Variants in PDE4B observed in about 807,000 individuals in gnomAD.
The protein encoded by PDE4B is phosphodiesterase 4B, also known as 3',5'-cyclic-AMP phosphodiesterase 4B.
PDE4B carries 20 observed loss-of-function variants against 82.2 expected under a neutral mutation model. That is an observed-to-expected ratio of 0.24 (90% CI 0.17 to 0.35). PDE4B has a LOEUF of 0.35. Ranked by LOEUF, PDE4B falls within the 10% of genes least tolerant of loss-of-function variation. The pLI is 1.00. For synonymous variants in PDE4B, 320 were observed against 318.9 expected (o/e 1.00, Z -0.04); for missense variants, 655 against 907.2 (o/e 0.72, Z 3.57).
At chr1:65,929,907 C>G (rs1462584717) in intron 3 of PDE4B, among the ~76,000 whole-genome samples, 1 of 152,134 alleles carries the variant, frequency 6.6e-6, no homozygotes, top group African/African-American at 2.4e-5. Flanking sequence ...GCAGCCAACT[C>G]CAGAAACTCC....
At chr1:66,330,833 A>G (rs1660050232) in intron 7 of PDE4B, 1 of 974,594 alleles carries the variant, frequency 1.0e-6, no homozygotes, top group Admixed American at 6.1e-5. Context: ...TGAAGAAAGG[A>G]AGGAAGGTAT....
At position 66,356,330 on chromosome 1, in the gene PDE4B, G is replaced by A. The variant is rs188316262; in HGVS notation, c.841+710G>A. Among the ~76,000 whole-genome samples, 17 of 152,292 alleles carry A rather than the reference G, an allele frequency of 1.1e-4. No homozygotes were observed. In the East Asian group the frequency reaches 1.7e-3, roughly 16 times the overall value. ...GAATGGTCCTCAACTATTGTCATGC[G>A]TGTTATTTGATTATTTGGGATTTTT... On this transcript the variant is annotated intron_variant, in intron 9 of 16. Coordinates refer to ENST00000341517, the MANE Select transcript of PDE4B (RefSeq NM_002600.4).
At chr1:65,933,754 G>A (rs1647970613) in intron 3 of PDE4B, among the ~76,000 whole-genome samples, 1 of 151,996 alleles carries the variant, frequency 6.6e-6, no homozygotes. Flanking sequence ...TGCAACAAAT[G>A]ACACAAACGG....
chr1:65,947,101 A>C (rs1648753030), intron 3 of PDE4B, among the ~76,000 whole-genome samples: 1 of 152,010 alleles, frequency 6.6e-6, no homozygotes, highest in Admixed American at 6.6e-5. Flanking sequence ...CATCCTCAAT[A>C]TAGTGGACCA....
In PDE4B at chr1:66,110,236, T is replaced by C. The variant is rs752893632; in HGVS notation, c.282-137224T>C. 2.0e-5 allele frequency among the ~76,000 whole-genome samples: 3 copies of C among 152,096 alleles called. No individual in the cohort carries two copies. In the South Asian group the frequency reaches 6.2e-4, roughly 32 times the overall value. On this transcript the variant is annotated intron_variant, in intron 3 of 16. Transcript: ENST00000341517. The stretch of plus-strand genomic sequence containing the variant: ...GAGCGTTTGAGGGAATAATAACCAA[T>C]GGTTACAGTCAAAATGGTAACTTCT...
intron 3 of PDE4B, among the ~76,000 whole-genome samples, chr1:65,957,262 C>T (rs1649307547): frequency 6.6e-6 from 1 of 151,912 alleles, no homozygotes; most frequent in Admixed American, 6.6e-5. Flanking sequence ...TTAAAAAATC[C>T]TTTCCTACCC....
chr1:66,229,565 T>C (rs914224969), intron 3 of PDE4B, among the ~76,000 whole-genome samples: 1 of 152,226 alleles, frequency 6.6e-6, no homozygotes, highest in Non-Finnish European at 1.5e-5. Context: ...TTCATAACTC[T>C]TCACTAAATC....
chr1:66,319,885 C>A (rs2144720), intron 7 of PDE4B, among the ~76,000 whole-genome samples: 94,615 of 151,954 alleles, frequency 0.62, 29,678 homozygotes, highest in East Asian at 0.83. Flanking sequence ...ATGGTTCCTT[C>A]TTGCCTGCCA....
chr1:66,177,435 G>A (rs1646953340), intron 3 of PDE4B, among the ~76,000 whole-genome samples: 1 of 152,210 alleles, frequency 6.6e-6, no homozygotes, highest in African/African-American at 2.4e-5. Context: ...TGTGACTTGG[G>A]ACTTAGGCAT....
At chr1:66,167,626 T>C (rs1262435974) in intron 3 of PDE4B, among the ~76,000 whole-genome samples, 1 of 152,230 alleles carries the variant, frequency 6.6e-6, no homozygotes, top group African/African-American at 2.4e-5. Context: ...ATATGAATTG[T>C]ATCTTAATAA....
At chr1:65,799,527 A>G (rs753248681) in intron 1 of PDE4B, among the ~76,000 whole-genome samples, 3 of 152,156 alleles carry the variant, frequency 2.0e-5, no homozygotes, top group Non-Finnish European at 4.4e-5. Context: ...TTTGCATTCA[A>G]TATTAAGTAT....
intron 3 of PDE4B, among the ~76,000 whole-genome samples, chr1:66,053,165 A>G (rs1655129206): frequency 6.6e-6 from 1 of 152,218 alleles, no homozygotes; most frequent in African/African-American, 2.4e-5. Flanking sequence ...AAATGCCTTA[A>G]TAATATTTTA....
At chr1:66,063,154 T>C (rs1056810624) in intron 3 of PDE4B, among the ~76,000 whole-genome samples, 1 of 152,000 alleles carries the variant, frequency 6.6e-6, no homozygotes, top group Non-Finnish European at 1.5e-5. Flanking sequence ...TTTTGCCCAA[T>C]GAGTAGTTTA....
At chr1:66,315,008 T>C (rs1033548817) in intron 7 of PDE4B, among the ~76,000 whole-genome samples, 1 of 152,244 alleles carries the variant, frequency 6.6e-6, no homozygotes, top group Non-Finnish European at 1.5e-5. Flanking sequence ...TTGAGGACAA[T>C]GACAACTGTG....
chr1:66,319,635 T>G (rs1659261103), intron 7 of PDE4B, among the ~76,000 whole-genome samples: 1 of 152,172 alleles, frequency 6.6e-6, no homozygotes, highest in African/African-American at 2.4e-5. Flanking sequence ...CATTTTCTAG[T>G]TATGGGATTT....
At chr1:66,105,353 T>G (rs375791705) in intron 3 of PDE4B, among the ~76,000 whole-genome samples, 2 of 151,848 alleles carry the variant, frequency 1.3e-5, no homozygotes, top group African/African-American at 4.8e-5. Flanking sequence ...CCTTGTAGTA[T>G]AGTTTGAAGT....
intron 1 of PDE4B, among the ~76,000 whole-genome samples, chr1:65,854,921 C>A (rs11208761): frequency 0.11 from 16,922 of 151,436 alleles, 1,073 homozygotes; most frequent in Non-Finnish European, 0.14. Flanking sequence ...TTTGGATATT[C>A]TTTTTTGGAT....
rs770642329 is a variant in PDE4B, at chr1:66,365,662, G to T, written c.1285-5G>T. On this transcript the variant is annotated splice_region_variant and splice_polypyrimidine_tract_variant and intron_variant, in intron 12 of 16. Transcript: ENST00000341517. ...TGTAGTTAAATGTGTTTATTTGCCC[G>T]ACAGGCTGTCTTCACAGATTTGGAG... 2 of 1,588,652 alleles carry T rather than the reference G, an allele frequency of 1.3e-6. No individual in the cohort carries two copies. Among genetic ancestry groups the T allele is most frequent in the Admixed American group, 3.3e-5 (2 of 59,768 alleles).
chr1:66,004,901 C>T (rs961916177), intron 3 of PDE4B, among the ~76,000 whole-genome samples: 2 of 151,954 alleles, frequency 1.3e-5, no homozygotes, highest in African/African-American at 4.8e-5. Flanking sequence ...GGAGCATCAA[C>T]TTCCTCATCA....
Sources: allele counts gnomAD v4.1 joint callset (sites outside exome capture counted in the v4.1 genomes callset), GRCh38; gene constraint gnomAD v4.1.1; transcripts MANE v1.5; gene names NCBI Gene and HGNC (gene_info 2026-07-23, HGNC 2026-07-21).